EYA1: variants seen among roughly 807,000 people sequenced by gnomAD.
EYA1 encodes the protein EYA transcriptional coactivator and phosphatase 1.
A neutral mutation model predicts 82.0 loss-of-function variants in EYA1; 16 were observed. The ratio of observed to expected loss-of-function variants is 0.20; its 90% confidence interval spans 0.13 to 0.30. The LOEUF (loss-of-function observed/expected upper bound fraction) is 0.30. EYA1 is among the 10% of genes least tolerant of loss of function. EYA1 has a pLI of 1.00. For synonymous variants in EYA1, 261 were observed against 264.4 expected, an observed-to-expected ratio of 0.99 and a Z score of 0.12; for missense variants, 633 against 730.7, an observed-to-expected ratio of 0.87 and a Z score of 1.54.
At chr8:71,383,321 A>G (rs1828813493) in intron 2 of EYA1, among the ~76,000 whole-genome samples, 1 of 152,114 alleles carries the variant, frequency 6.6e-6, no homozygotes, top group Non-Finnish European at 1.5e-5. Flanking sequence ...CAGCAATTTC[A>G]CTTCTAGATA....
chr8:71,503,472 C>CA (rs375914271), intron 2 of EYA1, among the ~76,000 whole-genome samples: 9,924 of 136,316 alleles, frequency 0.073, 420 homozygotes, highest in Middle Eastern at 0.13. Context: ...GACTCCATCT[C>CA]AAAAAAAAAA....
chr8:71,265,825 T>C (rs1260461174), intron 11 of EYA1, among the ~76,000 whole-genome samples: 1 of 152,234 alleles, frequency 6.6e-6, no homozygotes, highest in Non-Finnish European at 1.5e-5. Flanking sequence ...AACATCCTAG[T>C]TTACGTAGCA....
chr8:71,345,230 C>T (rs868161428), intron 3 of EYA1, among the ~76,000 whole-genome samples: 2 of 152,162 alleles, frequency 1.3e-5, no homozygotes, highest in Non-Finnish European at 2.9e-5. Flanking sequence ...GGGGCAATGC[C>T]ATTCTACAGC....
At chr8:71,397,880 G>C (rs1292813979) in intron 2 of EYA1, among the ~76,000 whole-genome samples, 1 of 152,178 alleles carries the variant, frequency 6.6e-6, no homozygotes, top group African/African-American at 2.4e-5. Flanking sequence ...ATCCTGCAGA[G>C]TGTTTTCCAA....
intron 12 of EYA1, 23 bp from the exon 13 acceptor site, chr8:71,217,046 C>A: frequency 6.3e-7 from 1 of 1,582,730 alleles, no homozygotes; most frequent in African/African-American, 1.3e-5. Context: ...TAAAATGATA[C>A]ATGTCAATTT....
At chr8:71,252,590 C>G (rs1813880275) in intron 11 of EYA1, among the ~76,000 whole-genome samples, 1 of 152,074 alleles carries the variant, frequency 6.6e-6, no homozygotes, top group Admixed American at 6.5e-5. Flanking sequence ...ATGAGCACTC[C>G]CAGAAGGGGC....
intron 11 of EYA1, among the ~76,000 whole-genome samples, chr8:71,264,237 C>T (rs1815498517): frequency 6.6e-6 from 1 of 152,182 alleles, no homozygotes; most frequent in South Asian, 2.1e-4. Flanking sequence ...AGAAAATCCT[C>T]CACCAAAAGA....
chr8:71,457,921 TGTTAA>T (rs1404534090), intron 2 of EYA1, among the ~76,000 whole-genome samples: 2 of 152,190 alleles, frequency 1.3e-5, no homozygotes, highest in Admixed American at 6.5e-5. Flanking sequence ...GGCTACTTTA[TGTTAA>T]GTTATGGACT....
intron 2 of EYA1, among the ~76,000 whole-genome samples, chr8:71,508,817 C>G (rs1812386790): frequency 6.6e-6 from 1 of 152,178 alleles, no homozygotes. Flanking sequence ...GCATCCTAAA[C>G]TTCCCAAGAC....
In EYA1 at chr8:71,381,267, T is replaced by A. The variant is rs73684766; in HGVS notation, c.34-24756A>T. Among the ~76,000 whole-genome samples the A allele has an allele frequency of 6.8e-3, 1,035 of 152,290 alleles. 13 individuals are homozygous for A. The highest frequency in any genetic ancestry group is 0.024 in the African/African-American group (983 of 41,550). ...GCCATGTGTAACATCCTCGAGATAT[T>A]TAGTTAGACACAAAATTAAAAAAGA... On this transcript the variant is annotated intron_variant, in intron 2 of 18. Transcript: ENST00000643681.
intron 4 of EYA1, among the ~76,000 whole-genome samples, chr8:71,331,083 G>A (rs978575907): frequency 5.7e-4 from 86 of 151,926 alleles, no homozygotes; most frequent in African/African-American, 2.0e-3. Context: ...TCAAAAATTA[G>A]CTGGGCATGG....
intron 12 of EYA1, among the ~76,000 whole-genome samples, chr8:71,226,515 C>T (rs906520621): frequency 2.0e-5 from 3 of 151,336 alleles, no homozygotes; most frequent in African/African-American, 7.3e-5. Flanking sequence ...CACTCTCAAC[C>T]TTAGGGTGAG....
chr8:71,337,310 C>A (rs1024923192), intron 3 of EYA1, among the ~76,000 whole-genome samples: 1 of 152,148 alleles, frequency 6.6e-6, no homozygotes, highest in African/African-American at 2.4e-5. Context: ...AAAATAGCAA[C>A]TTTTGTTCTC....
intron 12 of EYA1, among the ~76,000 whole-genome samples, chr8:71,221,431 G>T (rs1809904763): frequency 6.6e-6 from 1 of 152,128 alleles, no homozygotes; most frequent in African/African-American, 2.4e-5. Context: ...ACAGATGTGA[G>T]AACTGATATG....
chr8:71,398,577 C>A (rs1229833877), intron 2 of EYA1, among the ~76,000 whole-genome samples: 1 of 152,196 alleles, frequency 6.6e-6, no homozygotes, highest in Admixed American at 6.5e-5. Flanking sequence ...ACCCTCTTTG[C>A]CTCAGTATCA....
At chr8:71,206,551 A>G (rs1233144355) in intron 17 of EYA1, among the ~76,000 whole-genome samples, 1 of 152,044 alleles carries the variant, frequency 6.6e-6, no homozygotes, top group South Asian at 2.1e-4. Context: ...TCTCACAGTC[A>G]GAGGAAATAC....
chr8:71,246,277 T>C (rs538508431), intron 11 of EYA1, among the ~76,000 whole-genome samples: 2 of 152,218 alleles, frequency 1.3e-5, no homozygotes, highest in African/African-American at 4.8e-5. Context: ...GTATGGAATC[T>C]CCTTGCATCA....
intron 4 of EYA1, among the ~76,000 whole-genome samples, chr8:71,322,660 G>A (rs1037584494): frequency 6.6e-6 from 1 of 152,130 alleles, no homozygotes; most frequent in Non-Finnish European, 1.5e-5. Flanking sequence ...GAATGTGAAA[G>A]GTCAGCTGGC....
intron 2 of EYA1, among the ~76,000 whole-genome samples, chr8:71,493,283 A>G (rs544202114): frequency 1.7e-4 from 26 of 152,340 alleles, no homozygotes; most frequent in African/African-American, 6.3e-4. Context: ...AAGGCAAGAT[A>G]TGCACACATG....
Sources: gnomAD v4.1 joint callset for allele counts (sites outside exome capture counted in the v4.1 genomes callset) on GRCh38, gnomAD v4.1.1 for gene constraint, MANE v1.5 for transcripts, NCBI Gene and HGNC (gene_info 2026-07-23, HGNC 2026-07-21) for gene names.